ICE2: variants seen among roughly 807,000 people sequenced by gnomAD.
ICE2 encodes the protein little elongation complex subunit 2.
ICE2 carries 87 observed loss-of-function variants against 105.4 expected under a neutral mutation model. The observed-to-expected ratio is 0.83, with a 90% CI of 0.69 to 0.99. The LOEUF (loss-of-function observed/expected upper bound fraction) is 0.99, where lower values mean the gene tolerates loss of function less well. ICE2 is among the 50% of genes least tolerant of loss of function. ICE2 has a pLI of 0.00. For synonymous variants in ICE2, 399 were observed against 392.0 expected (o/e 1.02, Z -0.21); for missense variants, 1,323 against 1,146.7 (o/e 1.15, Z -2.22).
chr15:60,449,654 C>G lies in ICE2; in HGVS notation c.1313G>C (p.Gly438Ala). ...MTDAPTAPKA[G>A]TTTVAPSAPD... ...TGCACTTGGTGCCACAGTTGTAGTT[C>G]CTGCTTTGGGGGCTGTAGGAGCATC... Residue 438 changes from glycine (G) to alanine (A), a missense_variant, in exon 10 of 16, where the codon GGA becomes GCA. Transcript: ENST00000261520. 6.2e-6 allele frequency: 10 copies of G among 1,614,032 alleles called. No individual in the cohort carries two copies. Among genetic ancestry groups the G allele is most frequent in the Non-Finnish European group, 8.5e-6 (10 of 1,180,018 alleles).
rs1045048279 is a variant in ICE2, at chr15:60,436,343, T to C, written c.2426-116A>G. ...AAATTTTAATAACTGTGAAGAAATT[T>C]TACATTTTAAAAGGAGAAATACACA... is the stretch of plus-strand genomic sequence containing the variant. On this transcript the variant is annotated intron_variant, in intron 12 of 15. Coordinates refer to ENST00000261520, the MANE Select transcript of ICE2 (RefSeq NM_024611.6). The C allele has an allele frequency of 8.9e-6, 4 of 447,890 alleles. No individual in the cohort carries two copies. In the South Asian group the frequency reaches 1.9e-4, roughly 22 times the overall value. The allele number at this position is 447,890 out of a possible 1,614,324, so 27.7% of individuals were successfully genotyped here.
rs375766741 is a variant in ICE2 at position 60,453,746 on chromosome 15, G to A, written c.982C>T (p.Leu328Phe). Residue 328 changes from leucine to phenylalanine, a missense_variant, in exon 9 of 16, where the codon CTT becomes TTT. Leu to Phe is a conservative substitution (Grantham distance 22). Coordinates refer to ENST00000261520, the MANE Select transcript of ICE2 (RefSeq NM_024611.6). ...CTCATAGTCATTTTCTTTTGGGGAA[G>A]TGGTGAATTAATATATATTACTTTA... ...PVKVIYINSP[L>F]PQKKMTMRER... 4.4e-6 allele frequency: 7 copies of A among 1,594,552 alleles called. No homozygotes were observed. The highest frequency in any genetic ancestry group is 6.0e-6 in the Non-Finnish European group (7 of 1,162,330).
Position 60,420,184 on chromosome 15 carries a change from C to A in ICE2, c.*3450G>T, listed in dbSNP as rs2063228909. The A allele has an allele frequency of 6.6e-6, 1 of 151,962 alleles. No individual in the cohort carries two copies. Among genetic ancestry groups the A allele is most frequent in the Non-Finnish European group, 1.5e-5 (1 of 67,986 alleles). The allele number at this position is 151,962 out of a possible 1,614,324, so 9.4% of individuals were successfully genotyped here. A position where few individuals can be genotyped will look rare whatever the true frequency, so the allele number is the denominator to read the frequency against. Reference sequence around the variant, plus strand: ...AAAATGAACATTTTAAATTAACTTTCTTCCCACTCTAACCACACTATTTTC... The same window carrying A: ...AAAATGAACATTTTAAATTAACTTTATTCCCACTCTAACCACACTATTTTC... On this transcript the variant is annotated 3_prime_UTR_variant, in exon 16 of 16. Coordinates refer to ENST00000261520, the MANE Select transcript of ICE2 (RefSeq NM_024611.6).
intron 5 of ICE2, among the ~76,000 whole-genome samples, chr15:60,461,152 AATC>A (rs1223999570): frequency 5.3e-5 from 8 of 152,158 alleles, no homozygotes; most frequent in Non-Finnish European, 2.9e-5. Context: ...CCAGTCTGAG[AATC>A]ACTTGGGATA....
Position 60,436,736 on chromosome 15 carries a change from AAAAAG to A in ICE2, c.2426-514_2426-510del, listed in dbSNP as rs1374291268. ...ACTCTGTCTCAAAAAAAAAAAAAAA[AAAAAG>A]AAAGTTACATTTGCATGGCGTTTAT... On this transcript the variant is annotated intron_variant, in intron 12 of 15. Coordinates refer to ENST00000261520, the MANE Select transcript of ICE2 (RefSeq NM_024611.6). Among the ~76,000 whole-genome samples the A allele has an allele frequency of 1.1e-4, 17 of 151,306 alleles. No individual in the cohort carries two copies. The South Asian group carries it at 3.3e-3, about 30-fold the overall frequency.
intron 3 of ICE2, among the ~76,000 whole-genome samples, chr15:60,475,124 T>C (rs2064721621): frequency 6.6e-6 from 1 of 152,196 alleles, no homozygotes; most frequent in Admixed American, 6.5e-5. Flanking sequence ...AAAGTAAATG[T>C]TGAGCTTCCC....
intron 3 of ICE2, among the ~76,000 whole-genome samples, chr15:60,469,745 C>G (rs1049862370): frequency 1.3e-5 from 2 of 152,198 alleles, no homozygotes; most frequent in Non-Finnish European, 2.9e-5. Context: ...CATTGCAATG[C>G]TTTACTCCCA....
intron 11 of ICE2, 97 bp downstream of exon 11, chr15:60,447,873 A>G (rs2063858226): frequency 7.1e-6 from 7 of 988,020 alleles, no homozygotes; most frequent in Admixed American, 4.7e-5. Context: ...AGATACTACT[A>G]TGAGTGCTCA....
At chr15:60,457,784 G>T (rs1022025160) in intron 5 of ICE2, among the ~76,000 whole-genome samples, 9 of 152,136 alleles carry the variant, frequency 5.9e-5, no homozygotes, top group African/African-American at 2.2e-4. Flanking sequence ...AACTAACACA[G>T]ATGTGGACTA....
intron 3 of ICE2, among the ~76,000 whole-genome samples, chr15:60,471,119 A>C (rs2064581733): frequency 1.3e-5 from 2 of 152,224 alleles, no homozygotes; most frequent in Non-Finnish European, 2.9e-5. Context: ...AAAATATTTA[A>C]GACCACTCTC....
chr15:60,461,211 A>C (rs1474280996), intron 5 of ICE2, among the ~76,000 whole-genome samples: 1 of 152,148 alleles, frequency 6.6e-6, no homozygotes, highest in Non-Finnish European at 1.5e-5. Context: ...TAACCACAAA[A>C]ATTTTTGATA....
chr15:60,428,479 T>C lies in ICE2; in HGVS notation c.2770A>G (p.Ile924Val). 6.2e-7 allele frequency: 1 copy of C among 1,614,032 alleles called. No individual in the cohort carries two copies. The highest frequency in any genetic ancestry group is 8.5e-7 in the Non-Finnish European group (1 of 1,179,864). The change falls in exon 15 of 16, where the codon ATA becomes GTA. Residue 924 changes from isoleucine to valine, a missense_variant. Transcript: ENST00000261520. ...GATTTCGGTGGAAAAGTACAAGGTA[T>C]TCTTCCATGATGGATATGATATGGT... ...LLPYHIHHGR[I>V]PCTFPPKSLD...
rs540599656 is a variant in ICE2 at position 60,448,746 on chromosome 15, C to A, written c.2119+102G>T. 377 of 982,558 alleles carry A rather than the reference C, an allele frequency of 3.8e-4. 3 individuals are homozygous for A. The South Asian group carries it at 6.0e-3, about 16-fold the overall frequency. The allele number at this position is 982,558 out of a possible 1,614,324, so 60.9% of individuals were successfully genotyped here. On this transcript the variant is annotated intron_variant, in intron 10 of 15. Transcript: ENST00000261520. ...AAATGAAATATCAGTGACTATATGA[C>A]AATTACAAAACAGGTTATGACAAAG...
rs1210513235 is a variant in ICE2, at chr15:60,453,592, G to A, written c.1125+11C>T. 1 of 1,609,664 alleles carries A rather than the reference G, an allele frequency of 6.2e-7. No homozygotes were observed. On this transcript the variant is annotated intron_variant, in intron 9 of 15. Transcript: ENST00000261520. ...ACATTCCCCTTAGGGGAAAAAAAAAGCATTACATACGTCCATTTCAGATAT... is the reference window on the plus strand; with the variant it reads ...ACATTCCCCTTAGGGGAAAAAAAAAACATTACATACGTCCATTTCAGATAT...
rs1425301397 is a variant in ICE2, at chr15:60,456,540, C to CAAAAAAAAAA, written c.666+107_666+116dup. On this transcript the variant is annotated intron_variant, in intron 6 of 15. Coordinates refer to ENST00000261520, the MANE Select transcript of ICE2 (RefSeq NM_024611.6). Reference sequence around the variant, plus strand: ...GGCGACGAGAGAGAGACTCTGTCTCCAAAAAAAAAAATAAATAAATAAATA... The same window carrying CAAAAAAAAAA: ...GGCGACGAGAGAGAGACTCTGTCTCCAAAAAAAAAAAAAAAAAAAAATAAATAAATAAATA... The CAAAAAAAAAA allele has an allele frequency of 1.0e-3, 38 of 36,566 alleles. 4 individuals are homozygous for CAAAAAAAAAA. Among genetic ancestry groups the CAAAAAAAAAA allele is most frequent in the East Asian group, 8.3e-3 (2 of 240 alleles). 2.3% of individuals were successfully genotyped at this position (36,566 alleles called of 1,614,324 possible).
chr15:60,451,045 A>G (rs942500696), intron 9 of ICE2: 8 of 433,554 alleles, frequency 1.8e-5, no homozygotes, highest in Non-Finnish European at 2.5e-5. Context: ...AGCGTTATAT[A>G]GAAAAGGGAG....
In ICE2 at chr15:60,428,569, C is replaced by T. The variant is rs528746400; in HGVS notation, c.2680G>A (p.Gly894Ser). 8.7e-5 allele frequency: 140 copies of T among 1,613,970 alleles called. No homozygotes were observed. The South Asian group carries it at 9.6e-4, about 11-fold the overall frequency. Residue 894 changes from glycine to serine, a missense_variant, in exon 15 of 16, where the codon GGC becomes AGC. Gly to Ser is a moderately conservative substitution (Grantham distance 56). Coordinates refer to ENST00000261520, the MANE Select transcript of ICE2 (RefSeq NM_024611.6). ...TAYNLYKTHC[G>S]LPGVPSSLSV... ...AGACTGGAAGGTACACCAGGAAGGC[C>T]GCAATGTGTTTTATACAAATTGTAT...
chr15:60,476,185 T>G lies in ICE2; in HGVS notation c.42-18A>C. The G allele has an allele frequency of 6.8e-7, 1 of 1,480,922 alleles. No homozygotes were observed. Among genetic ancestry groups the G allele is most frequent in the East Asian group, 2.3e-5 (1 of 43,930 alleles). 91.7% of individuals were successfully genotyped at this position (1,480,922 alleles called of 1,614,324 possible). A position where few individuals can be genotyped will look rare whatever the true frequency, so the allele number is the denominator to read the frequency against. On this transcript the variant is annotated intron_variant, in intron 2 of 15. Coordinates refer to ENST00000261520, the MANE Select transcript of ICE2 (RefSeq NM_024611.6). ...AAATATCCCTGTGAAACAAAGTAAT[T>G]TACTTACATTTGACAATTCAAAATC...
chr15:60,449,632 A>C lies in ICE2; in HGVS notation c.1335T>G (p.Ser445Arg). The C allele has an allele frequency of 6.2e-7, 1 of 1,614,142 alleles. No homozygotes were observed. The highest frequency in any genetic ancestry group is 8.5e-7 in the Non-Finnish European group (1 of 1,180,024). ...TAGAATTAGCAGAAATGTCTGGTGC[A>C]CTTGGTGCCACAGTTGTAGTTCCTG... ...PKAGTTTVAP[S>R]APDISANSRS... Residue 445 changes from serine to arginine, a missense_variant, in exon 10 of 16, where the codon AGT becomes AGG. By Grantham distance (110) the Ser-to-Arg change is moderately radical. Coordinates refer to ENST00000261520, the MANE Select transcript of ICE2 (RefSeq NM_024611.6).
Sources: allele counts gnomAD v4.1 joint callset (sites outside exome capture counted in the v4.1 genomes callset), GRCh38; gene constraint gnomAD v4.1.1; transcripts MANE v1.5; gene names NCBI Gene and HGNC (gene_info 2026-07-23, HGNC 2026-07-21).